INCENP: variants seen among roughly 807,000 people sequenced by gnomAD.
The protein encoded by INCENP is binds and activates aurora-B and -C in vivo and in vitro.
A neutral mutation model predicts 107.3 loss-of-function variants in INCENP; 43 were observed. That is an observed-to-expected ratio of 0.40 (90% CI 0.31 to 0.52). The LOEUF is 0.52. Ranked by LOEUF, INCENP falls within the 20% of genes least tolerant of loss-of-function variation. The probability of loss-of-function intolerance (pLI) is 0.53; values close to 1 mark genes in which losing one functional copy is unlikely to be tolerated. For missense variants in INCENP, 1,089 were observed against 1,250.9 expected (o/e 0.87, Z 1.95); for synonymous variants, 488 against 494.4 (o/e 0.99, Z 0.17).
rs1322702230 is a variant in INCENP at position 62,137,822 on chromosome 11, T to TC, written c.1064-5dup. ...GATGAGATCTTTTGTGCCTTTCTTTTCCCCCTCAGGTCACAGTTACCTGGA... is the reference window on the plus strand; with the variant it reads ...GATGAGATCTTTTGTGCCTTTCTTTTCCCCCCTCAGGTCACAGTTACCTGGA... On this transcript the variant is annotated splice_polypyrimidine_tract_variant and intron_variant, in intron 4 of 18. Transcript: ENST00000394818. 1.9e-6 allele frequency: 3 copies of TC among 1,613,870 alleles called. No individual in the cohort carries two copies. Among genetic ancestry groups the TC allele is most frequent in the African/African-American group, 1.3e-5 (1 of 75,024 alleles).
chr11:62,145,145 C>T lies in INCENP; in HGVS notation c.1716-24C>T, dbSNP rs201478452. The T allele has an allele frequency of 7.4e-6, 12 of 1,614,118 alleles. No individual in the cohort carries two copies. The Admixed American group carries it at 1.8e-4, about 25-fold the overall frequency. On this transcript the variant is annotated intron_variant, in intron 12 of 18. Coordinates refer to ENST00000394818, the MANE Select transcript of INCENP (RefSeq NM_001040694.2). ...CCCATCCCAGCCTTGGTGGGGCTCC[C>T]CATGACTATCCTATGCCCCGCAGGA... is the stretch of plus-strand genomic sequence containing the variant.
In INCENP at chr11:62,153,157, A is replaced by G. The variant is rs1023337664; in HGVS notation, c.*1181A>G. Reference sequence around the variant, plus strand: ...GACAAAATAAAGCCTAAATCCAAGAACACTTTTAAAAATGAGGAAATAGTG... The same window carrying G: ...GACAAAATAAAGCCTAAATCCAAGAGCACTTTTAAAAATGAGGAAATAGTG... On this transcript the variant is annotated 3_prime_UTR_variant, in exon 19 of 19. Transcript: ENST00000394818. The G allele has an allele frequency of 1.7e-4, 26 of 152,378 alleles. No homozygotes were observed. The highest frequency in any genetic ancestry group is 6.0e-4 in the African/African-American group (25 of 41,592). 9.4% of individuals were successfully genotyped at this position (152,378 alleles called of 1,614,324 possible). A position where few individuals can be genotyped will look rare whatever the true frequency, so the allele number is the denominator to read the frequency against.
At position 62,130,435 on chromosome 11, in the gene INCENP, T is replaced by G. The variant is rs538914404; in HGVS notation, c.908T>G (p.Val303Gly). The G allele has an allele frequency of 8.0e-5, 129 of 1,613,914 alleles. No individual in the cohort carries two copies. In the East Asian group the frequency reaches 2.7e-3, roughly 34 times the overall value. ...PTGSRTDSQSVRHSPIAPSSP... is the reference protein window; with the variant it reads ...PTGSRTDSQSGRHSPIAPSSP... ...GGCTCTCGCACGGACTCTCAATCGGTGCGGCACAGCCCGATCGCCCCGTCT... is the reference window on the plus strand; with the variant it reads ...GGCTCTCGCACGGACTCTCAATCGGGGCGGCACAGCCCGATCGCCCCGTCT... The change falls in exon 4 of 19, where the codon GTG becomes GGG. Residue 303 changes from valine (V) to glycine (G), a missense_variant. Val to Gly is a moderately radical substitution (Grantham distance 109). Coordinates refer to ENST00000394818, the MANE Select transcript of INCENP (RefSeq NM_001040694.2).
At position 62,141,589 on chromosome 11, in the gene INCENP, A is replaced by G. The variant is rs1318386522; in HGVS notation, c.1605+78A>G. The G allele has an allele frequency of 2.5e-5, 38 of 1,549,010 alleles. No homozygotes were observed. The East Asian group carries it at 8.3e-4, about 34-fold the overall frequency. On this transcript the variant is annotated intron_variant, in intron 11 of 18. Transcript: ENST00000394818. ...CTGTAGCCCCTTCCCTGCGTAGCTG[A>G]CAGCACCTGTAGATGCACTAACATT...
rs769360446 is a variant in INCENP, at chr11:62,146,837, C to G, written c.2139C>G (p.Arg713=). ...AGGAGCGGCGGGAGCAGGAGCGGCG[C>G]GAGCAGGAGCGACAGCTGGCAGAGC... ...REQERREQER[R]EQERQLAEQE... Residue 713 remains arginine (R), a synonymous_variant, in exon 15 of 19, where the codon CGC becomes CGG. Transcript: ENST00000394818. 7.2e-5 allele frequency: 111 copies of G among 1,541,598 alleles called. No individual in the cohort carries two copies. Among genetic ancestry groups the G allele is most frequent in the Admixed American group, 5.1e-4 (26 of 51,344 alleles).
chr11:62,137,626 G>A (rs1944019851), intron 4 of INCENP, among the ~76,000 whole-genome samples: 2 of 152,180 alleles, frequency 1.3e-5, no homozygotes, highest in African/African-American at 4.8e-5. Flanking sequence ...GACCATCTGG[G>A]AAGCAGCCGG....
chr11:62,135,874 A>G (rs867402467), intron 4 of INCENP, among the ~76,000 whole-genome samples: 58 of 152,028 alleles, frequency 3.8e-4, no homozygotes, highest in African/African-American at 1.3e-3. Context: ...CAGTGGCACA[A>G]TCTCAGCTCA....
chr11:62,138,939 G>A lies in INCENP; in HGVS notation c.1225G>A (p.Ala409Thr). ...GTGGCCCCACAATGACACGGAGATTGCCAACAGCACACCCAACCCGAAGCC... is the reference window on the plus strand; with the variant it reads ...GTGGCCCCACAATGACACGGAGATTACCAACAGCACACCCAACCCGAAGCC... The part of the protein sequence containing the change: ...NSWPHNDTEI[A>T]NSTPNPKPAA... Residue 409 changes from alanine to threonine, a missense_variant, in exon 7 of 19, where the codon GCC (alanine) becomes ACC (threonine). Ala to Thr is a moderately conservative substitution (Grantham distance 58). Coordinates refer to ENST00000394818, the MANE Select transcript of INCENP (RefSeq NM_001040694.2). The A allele has an allele frequency of 6.2e-7, 1 of 1,614,136 alleles. No homozygotes were observed. The highest frequency in any genetic ancestry group is 1.3e-5 in the African/African-American group (1 of 75,060).
At chr11:62,150,357 G>T in intron 18 of INCENP, 150 bp downstream of exon 18, 1 of 758,836 alleles carries the variant, frequency 1.3e-6, no homozygotes, top group South Asian at 1.8e-5. Flanking sequence ...GGGTATGCAT[G>T]TGCCCTGGGG....
chr11:62,131,156 G>A (rs1943885889), intron 4 of INCENP, among the ~76,000 whole-genome samples: 4 of 152,192 alleles, frequency 2.6e-5, no homozygotes, highest in Admixed American at 1.3e-4. Flanking sequence ...ATGGGAGCCA[G>A]GAGGGGGAAC....
chr11:62,149,715 G>T (rs926982303), intron 17 of INCENP, among the ~76,000 whole-genome samples: 1 of 152,132 alleles, frequency 6.6e-6, no homozygotes, highest in African/African-American at 2.4e-5. Context: ...GAGGTCAGGA[G>T]TTCGAGACCA....
chr11:62,135,206 G>A (rs1182724213), intron 4 of INCENP, among the ~76,000 whole-genome samples: 1 of 152,100 alleles, frequency 6.6e-6, no homozygotes, highest in Admixed American at 6.5e-5. Flanking sequence ...GTTGTGGTGT[G>A]GAATCTGAAA....
Position 62,140,801 on chromosome 11 carries a change from T to C in INCENP, c.1441T>C (p.Ser481Pro), listed in dbSNP as rs754337307. 3.7e-6 allele frequency: 6 copies of C among 1,613,102 alleles called. No individual in the cohort carries two copies. The highest frequency in any genetic ancestry group is 5.1e-6 in the Non-Finnish European group (6 of 1,179,916). The change falls in exon 9 of 19, where the codon TCA becomes CCA. Residue 481 changes from serine to proline, a missense_variant. By Grantham distance (74) the Ser-to-Pro change is moderately conservative. Transcript: ENST00000394818. ...LQPPRSKTPS[S>P]PCPASKVVRP... ...GCCCCCCAGGAGCAAGACCCCTTCC[T>C]CACCCTGCCCAGCCAGCAAGGTGAG...
chr11:62,145,407 C>G, intron 13 of INCENP, 118 bp downstream of exon 13: 2 of 1,462,430 alleles, frequency 1.4e-6, no homozygotes, highest in Non-Finnish European at 1.9e-6. Context: ...TCCTGTCTGC[C>G]CCATGGGCCC....
intron 7 of INCENP, among the ~76,000 whole-genome samples, chr11:62,139,218 G>A (rs368411153): frequency 6.0e-4 from 92 of 152,284 alleles, no homozygotes; most frequent in African/African-American, 2.1e-3. Flanking sequence ...CAGCATGGGG[G>A]GCTGTGGCTG....
chr11:62,131,906 C>T (rs146239907), intron 4 of INCENP, among the ~76,000 whole-genome samples: 1,667 of 152,152 alleles, frequency 0.011, 32 homozygotes, highest in African/African-American at 0.035. Flanking sequence ...CTCAGTCTCC[C>T]GAGTAGCAGG....
Position 62,128,087 on chromosome 11 carries a change from G to T in INCENP, c.-11-64G>T, listed in dbSNP as rs979180488. On this transcript the variant is annotated intron_variant, in intron 1 of 18. Coordinates refer to ENST00000394818, the MANE Select transcript of INCENP (RefSeq NM_001040694.2). ...GTGGGTCAGGTGGGTATTGCAGCTT[G>T]GAGAAAGCCCCAGACCCCTACCCTG... is the stretch of plus-strand genomic sequence containing the variant. 7 of 1,564,318 alleles carry T rather than the reference G, an allele frequency of 4.5e-6. No homozygotes were observed. The African/African-American group carries it at 9.5e-5, about 21-fold the overall frequency.
chr11:62,141,427 G>C (rs972667356), intron 10 of INCENP, 73 bp from the exon 11 acceptor site: 27 of 1,600,616 alleles, frequency 1.7e-5, no homozygotes, highest in Non-Finnish European at 2.3e-5. Flanking sequence ...GCACAGCTGG[G>C]CATGTGGCCT....
intron 14 of INCENP, among the ~76,000 whole-genome samples, chr11:62,146,276 T>A (rs1345430671): frequency 6.6e-6 from 1 of 152,204 alleles, no homozygotes; most frequent in South Asian, 2.1e-4. Flanking sequence ...AGTTATTTAC[T>A]GTGTGCTAGG....
Sources: allele counts gnomAD v4.1 joint callset (sites outside exome capture counted in the v4.1 genomes callset), GRCh38; gene constraint gnomAD v4.1.1; transcripts MANE v1.5; gene names NCBI Gene and HGNC (gene_info 2026-07-23, HGNC 2026-07-21).